The following COP1 variants were observed in gnomAD, a reference collection of about 807,000 sequenced individuals.
The protein encoded by COP1 is COP1 E3 ubiquitin ligase.
Under a neutral mutation model 101.3 loss-of-function variants are expected in COP1, and 24 were observed. The observed-to-expected ratio is 0.24, with a 90% CI of 0.17 to 0.33. The LOEUF (loss-of-function observed/expected upper bound fraction) is 0.33. COP1 is among the 10% of genes least tolerant of loss of function. The probability of loss-of-function intolerance (pLI) is 1.00; values close to 1 mark genes in which losing one functional copy is unlikely to be tolerated. For missense variants in COP1, 663 were observed against 906.2 expected (o/e 0.73, Z 3.45); for synonymous variants, 347 against 341.9 (o/e 1.01, Z -0.17).
chr1:176,127,444 C>T (rs567978873), intron 8 of COP1, among the ~76,000 whole-genome samples: 24 of 151,992 alleles, frequency 1.6e-4, no homozygotes, highest in Non-Finnish European at 2.9e-4. Flanking sequence ...CAAGATCATA[C>T]AATATCTGTC....
intron 10 of COP1, among the ~76,000 whole-genome samples, chr1:176,082,120 T>C (rs867891022): frequency 6.6e-6 from 1 of 152,224 alleles, no homozygotes; most frequent in Non-Finnish European, 1.5e-5. Flanking sequence ...ACTAAAAGCA[T>C]AGATTTAAAA....
intron 1 of COP1, among the ~76,000 whole-genome samples, chr1:176,192,835 G>A (rs1414469041): frequency 2.6e-5 from 4 of 152,040 alleles, no homozygotes; most frequent in Admixed American, 2.6e-4. Flanking sequence ...AAAATGCATG[G>A]GAGATGTGTT....
chr1:176,060,099 C>G (rs1201946363), intron 11 of COP1, among the ~76,000 whole-genome samples: 4 of 152,010 alleles, frequency 2.6e-5, no homozygotes, highest in Non-Finnish European at 5.9e-5. Flanking sequence ...TATTTTTATT[C>G]TATTATTTTT....
At chr1:176,028,104 C>T (rs182343089) in intron 14 of COP1, among the ~76,000 whole-genome samples, 261 of 152,134 alleles carry the variant, frequency 1.7e-3, no homozygotes, top group Non-Finnish European at 2.8e-3. Context: ...GGGGAAACCA[C>T]CTGCTATGAT....
intron 6 of COP1, among the ~76,000 whole-genome samples, chr1:176,139,279 C>CAAAAAAAGAAAAAAAAAAAAAAA (rs1690273788): frequency 8.0e-6 from 1 of 124,900 alleles, no homozygotes; most frequent in African/African-American, 3.3e-5. Context: ...AAAACAAAAA[C>CAAAAAAAGAAAAAAAAAAAAAAA]AAAAAAAACA....
At chr1:176,059,471 T>G (rs76230206) in intron 11 of COP1, among the ~76,000 whole-genome samples, 3,409 of 152,222 alleles carry the variant, frequency 0.022, 59 homozygotes, top group Non-Finnish European at 0.032. Context: ...TTAGGGAGTT[T>G]GCAAAATCTT....
At chr1:176,033,751 T>C (rs1669025372) in intron 14 of COP1, among the ~76,000 whole-genome samples, 1 of 152,128 alleles carries the variant, frequency 6.6e-6, no homozygotes, top group Non-Finnish European at 1.5e-5. Context: ...ACAGCATATG[T>C]AGGAAAAATA....
intron 15 of COP1, among the ~76,000 whole-genome samples, chr1:175,993,905 T>C (rs546276379): frequency 1.3e-5 from 2 of 152,188 alleles, no homozygotes; most frequent in Admixed American, 6.5e-5. Context: ...GCCACAAAGA[T>C]ACTCCTCGAG....
At chr1:175,989,596 C>T (rs1474953846) in intron 15 of COP1, 117 bp from the exon 16 acceptor site, 35 of 591,126 alleles carry the variant, frequency 5.9e-5, no homozygotes, top group Middle Eastern at 2.8e-4. Flanking sequence ...TAATCTCTAA[C>T]AGCCAGAAAA....
intron 15 of COP1, among the ~76,000 whole-genome samples, chr1:175,991,185 G>A (rs988566166): frequency 6.6e-6 from 1 of 152,054 alleles, no homozygotes; most frequent in Non-Finnish European, 1.5e-5. Context: ...TCATCACTGT[G>A]TGAGCATACA....
At chr1:176,130,145 T>G (rs1688657709) in intron 8 of COP1, among the ~76,000 whole-genome samples, 1 of 151,606 alleles carries the variant, frequency 6.6e-6, no homozygotes, top group Non-Finnish European at 1.5e-5. Flanking sequence ...TAAAAAAAAA[T>G]CAGCATTGTC....
chr1:176,143,104 A>G (rs1343539169), intron 6 of COP1, among the ~76,000 whole-genome samples: 1 of 141,242 alleles, frequency 7.1e-6, no homozygotes, highest in East Asian at 2.1e-4. Context: ...CCTGGCAAGA[A>G]TTGATCCAAC....
rs1029035497 is a variant in COP1 at position 175,961,786 on chromosome 1, A to T, written c.2134-14547T>A. Among the ~76,000 whole-genome samples the T allele has an allele frequency of 2.6e-5, 4 of 152,136 alleles. No homozygotes were observed. The South Asian group carries it at 8.3e-4, about 31-fold the overall frequency. ...GAGAGTGATCCTTTACTTGGAAAAG[A>T]TAAGAAAGGCTTCACAGATTAGGTC... On this transcript the variant is annotated intron_variant, in intron 18 of 19. Transcript: ENST00000367669.
chr1:175,945,811 A>T (rs1649099799), intron 19 of COP1, among the ~76,000 whole-genome samples: 1 of 152,220 alleles, frequency 6.6e-6, no homozygotes. Flanking sequence ...TACAACACTC[A>T]CTAAGTAGCA....
chr1:176,095,701 T>C (rs953802370), intron 9 of COP1, among the ~76,000 whole-genome samples: 2 of 148,870 alleles, frequency 1.3e-5, no homozygotes, highest in Non-Finnish European at 3.0e-5. Context: ...AAAAAAAAGA[T>C]GTTCTTTGCA....
At chr1:176,040,902 A>G (rs1670409261) in intron 14 of COP1, among the ~76,000 whole-genome samples, 1 of 152,256 alleles carries the variant, frequency 6.6e-6, no homozygotes, top group Non-Finnish European at 1.5e-5. Context: ...AATTAAGGGT[A>G]GTAATGTTAA....
chr1:176,206,895 G>A lies in COP1; in HGVS notation c.84C>T (p.Ser28=). 1 of 1,465,568 alleles carries A rather than the reference G, an allele frequency of 6.8e-7. No homozygotes were observed. 90.8% of individuals were successfully genotyped at this position (1,465,568 alleles called of 1,614,324 possible). The change falls in exon 1 of 20, where the codon TCC becomes TCT. Residue 28 remains serine (S), a synonymous_variant. Transcript: ENST00000367669. ...SSAASSVTSA[S]SSLSSSPSPP... is the part of the protein sequence containing the mutation. ...GCGACGGGGAAGAGGATAAAGACGA[G>A]GAGGCGGAAGTCACCGAGGAGGCCG... is the stretch of plus-strand genomic sequence containing the variant.
chr1:176,043,701 C>T lies in COP1; in HGVS notation c.1530+9G>A. The T allele has an allele frequency of 2.1e-6, 3 of 1,442,732 alleles. No homozygotes were observed. Among genetic ancestry groups the T allele is most frequent in the Non-Finnish European group, 2.9e-6 (3 of 1,025,738 alleles). The allele number at this position is 1,442,732 out of a possible 1,614,324, so 89.4% of individuals were successfully genotyped here. On this transcript the variant is annotated intron_variant, in intron 13 of 19. Coordinates refer to ENST00000367669, the MANE Select transcript of COP1 (RefSeq NM_022457.7). ...ATTCATATAACATGTAACTAGTACCCTTATTTACCTGATAGACCTTTGACC... is the reference window on the plus strand; with the variant it reads ...ATTCATATAACATGTAACTAGTACCTTTATTTACCTGATAGACCTTTGACC...
chr1:176,093,300 A>C (rs1352127323), intron 9 of COP1, among the ~76,000 whole-genome samples: 4 of 152,178 alleles, frequency 2.6e-5, no homozygotes, highest in Non-Finnish European at 1.5e-5. Flanking sequence ...AGTTCCATAA[A>C]AGTTTTGCTA....
Sources: allele counts gnomAD v4.1 joint callset (sites outside exome capture counted in the v4.1 genomes callset), GRCh38; gene constraint gnomAD v4.1.1; transcripts MANE v1.5; gene names NCBI Gene and HGNC (gene_info 2026-07-23, HGNC 2026-07-21).